SH2D4B: variants seen among roughly 807,000 people sequenced by gnomAD.
The protein encoded by SH2D4B is SH2 domain-containing protein 4B.
SH2D4B carries 45 observed loss-of-function variants against 61.5 expected under a neutral mutation model. That is an observed-to-expected ratio of 0.73 (90% CI 0.58 to 0.94). The LOEUF (loss-of-function observed/expected upper bound fraction) is 0.94. Ranked by LOEUF, SH2D4B falls within the 40% of genes least tolerant of loss-of-function variation. SH2D4B has a pLI of 0.00. For missense variants in SH2D4B, 572 were observed against 574.2 expected (o/e 1.00, Z 0.04); for synonymous variants, 224 against 220.4 (o/e 1.02, Z -0.14).
chr10:80,563,793 C>A (rs1015087062), intron 1 of SH2D4B, among the ~76,000 whole-genome samples: 1 of 152,132 alleles, frequency 6.6e-6, no homozygotes, highest in Admixed American at 6.5e-5. Flanking sequence ...CTAAAGGATG[C>A]ATTATATGTG....
Position 80,637,263 on chromosome 10 carries a change from C to A in SH2D4B, c.1209+2758C>A, listed in dbSNP as rs141416393. 7.1e-3 allele frequency among the ~76,000 whole-genome samples: 1,088 copies of A among 152,280 alleles called. 8 individuals carry two copies. The highest frequency in any genetic ancestry group is 0.011 in the Non-Finnish European group (778 of 68,018). On this transcript the variant is annotated intron_variant, in intron 7 of 7. Coordinates refer to ENST00000646907, the MANE Select transcript of SH2D4B (RefSeq NM_001388272.1). ...GTTCTTTTGCTTAGGATTGTCTTGG[C>A]AATGCAGGCTCTTTTTTGGTTCCAT...
At chr10:80,547,973 A>G (rs966577881) in intron 1 of SH2D4B, among the ~76,000 whole-genome samples, 9 of 152,282 alleles carry the variant, frequency 5.9e-5, no homozygotes, top group African/African-American at 2.2e-4. Context: ...AAGTGGATTT[A>G]TGGTGACACA....
At chr10:80,585,288 T>A (rs4348832) in intron 3 of SH2D4B, among the ~76,000 whole-genome samples, 14,629 of 151,654 alleles carry the variant, frequency 0.096, 947 homozygotes, top group East Asian at 0.31. Context: ...TCCTCCAAAA[T>A]GAAAGTACAC....
intron 1 of SH2D4B, among the ~76,000 whole-genome samples, chr10:80,543,419 A>G (rs893372506): frequency 1.3e-5 from 2 of 152,018 alleles, no homozygotes; most frequent in East Asian, 3.9e-4. Context: ...GCTGTGCTCA[A>G]TTTCTCACCG....
chr10:80,561,733 A>C (rs1841904906), intron 1 of SH2D4B, among the ~76,000 whole-genome samples: 1 of 152,188 alleles, frequency 6.6e-6, no homozygotes, highest in Admixed American at 6.5e-5. Flanking sequence ...AAGTACAATA[A>C]ATTTATTGAT....
At chr10:80,611,502 G>C (rs1040219332) in intron 6 of SH2D4B, among the ~76,000 whole-genome samples, 13 of 152,340 alleles carry the variant, frequency 8.5e-5, no homozygotes, top group African/African-American at 3.1e-4. Context: ...TGTGTCCCTG[G>C]AGCTGGTGCT....
chr10:80,544,769 A>G (rs1404182414), intron 1 of SH2D4B, among the ~76,000 whole-genome samples: 1 of 152,100 alleles, frequency 6.6e-6, no homozygotes, highest in African/African-American at 2.4e-5. Flanking sequence ...GCAGCTGCAG[A>G]CCTTTGGACA....
intron 4 of SH2D4B, among the ~76,000 whole-genome samples, chr10:80,601,122 CAG>C (rs1457709803): frequency 1.3e-5 from 2 of 152,102 alleles, no homozygotes; most frequent in Admixed American, 6.5e-5. Flanking sequence ...AGTGGAAGGC[CAG>C]AGAGAGGGGT....
At chr10:80,603,942 G>A in intron 5 of SH2D4B, 147 bp downstream of exon 5, 1 of 673,754 alleles carries the variant, frequency 1.5e-6, no homozygotes, top group South Asian at 2.0e-5. Context: ...CCTAGTCTAG[G>A]GTAGGAGAGG....
At chr10:80,543,215 C>T (rs1841607640) in intron 1 of SH2D4B, among the ~76,000 whole-genome samples, 1 of 152,196 alleles carries the variant, frequency 6.6e-6, no homozygotes. Flanking sequence ...GAGCCCCTTT[C>T]TGGGCTGGCC....
At chr10:80,614,265 G>T (rs547390420) in intron 6 of SH2D4B, among the ~76,000 whole-genome samples, 2 of 152,318 alleles carry the variant, frequency 1.3e-5, no homozygotes, top group East Asian at 3.9e-4. Flanking sequence ...TTCCGGGGAG[G>T]CCTCAGGGAG....
At chr10:80,643,258 T>A (rs1392840644) in intron 7 of SH2D4B, among the ~76,000 whole-genome samples, 5 of 151,912 alleles carry the variant, frequency 3.3e-5, no homozygotes, top group Admixed American at 2.6e-4. Flanking sequence ...TTTTTTTTTT[T>A]AAATAATGCC....
chr10:80,643,338 T>G (rs558882893), intron 7 of SH2D4B, among the ~76,000 whole-genome samples: 1 of 152,048 alleles, frequency 6.6e-6, no homozygotes, highest in East Asian at 1.9e-4. Context: ...TCTTAAAGCC[T>G]CTTCTGTTTG....
intron 7 of SH2D4B, among the ~76,000 whole-genome samples, chr10:80,635,798 TG>T (rs1160449659): frequency 4.6e-5 from 7 of 152,184 alleles, no homozygotes; most frequent in Non-Finnish European, 7.3e-5. Context: ...TTATTTATTT[TG>T]TTCATTTTTT....
chr10:80,611,845 T>G (rs2132146328), intron 6 of SH2D4B, among the ~76,000 whole-genome samples: 1 of 150,286 alleles, frequency 6.7e-6, no homozygotes, highest in East Asian at 2.0e-4. Flanking sequence ...AACCAAGATT[T>G]AAGTCTCACA....
intron 1 of SH2D4B, among the ~76,000 whole-genome samples, chr10:80,545,259 C>T (rs1001018266): frequency 6.6e-6 from 1 of 152,330 alleles, no homozygotes; most frequent in East Asian, 1.9e-4. Context: ...CCTAGCCCCT[C>T]CTGTGCTCAG....
At chr10:80,638,530 T>G (rs1439073357) in intron 7 of SH2D4B, among the ~76,000 whole-genome samples, 1 of 152,198 alleles carries the variant, frequency 6.6e-6, no homozygotes, top group East Asian at 1.9e-4. Context: ...TGTATGTGTC[T>G]AGGAATTTAT....
chr10:80,642,864 G>A (rs1840330767), intron 7 of SH2D4B: 1 of 152,510 alleles, frequency 6.6e-6, no homozygotes, highest in South Asian at 2.1e-4. Flanking sequence ...AAAATATGGT[G>A]CCAGTTCAGT....
chr10:80,614,018 AAGG>A (rs1181480616), intron 6 of SH2D4B, among the ~76,000 whole-genome samples: 1 of 152,164 alleles, frequency 6.6e-6, no homozygotes, highest in Admixed American at 6.5e-5. Context: ...TTATCTTGGA[AAGG>A]AGAAGCTGTG....
Sources: allele counts gnomAD v4.1 joint callset (sites outside exome capture counted in the v4.1 genomes callset), GRCh38; gene constraint gnomAD v4.1.1; transcripts MANE v1.5; gene names NCBI Gene and HGNC (gene_info 2026-07-23, HGNC 2026-07-21).